HYDIN: variants seen among roughly 807,000 people sequenced by gnomAD.
HYDIN encodes the protein HYDIN axonemal central pair apparatus protein.
HYDIN carries 132 observed loss-of-function variants against 403.9 expected under a neutral mutation model. The observed-to-expected ratio is 0.33, with a 90% CI of 0.28 to 0.38. The LOEUF (loss-of-function observed/expected upper bound fraction) is 0.38. Among genes scored for constraint, HYDIN ranks in the 10% least tolerant of loss-of-function variants. The pLI, the probability that HYDIN is intolerant of heterozygous loss-of-function variation, is 1.00. For synonymous variants in HYDIN, 1,202 were observed against 1,891.7 expected, an observed-to-expected ratio of 0.64 and a Z score of 9.46; for missense variants, 2,827 against 5,009.5, an observed-to-expected ratio of 0.56 and a Z score of 13.15.
chr16:70,897,109 G>A (rs1313939085), intron 53 of HYDIN, among the ~76,000 whole-genome samples: 1 of 151,228 alleles, frequency 6.6e-6, no homozygotes, highest in Non-Finnish European at 1.5e-5. Context: ...ATCTGACAAA[G>A]GACTAATATC....
At position 70,949,313 on chromosome 16, in the gene HYDIN, TGGGGGGA is replaced by T. The variant is rs1302971262; in HGVS notation, c.6531+3101_6531+3107del. ...TCACACTCTGGGGACTGTTGTGGGG[TGGGGGGA>T]GGGGGGAGGGATAGCACTGGGAGAT... On this transcript the variant is annotated intron_variant, in intron 41 of 85. Coordinates refer to ENST00000393567, the MANE Select transcript of HYDIN (RefSeq NM_001270974.2). Among the ~76,000 whole-genome samples the T allele has an allele frequency of 9.9e-5, 6 of 60,686 alleles. No individual in the cohort carries two copies. The Admixed American group carries it at 1.5e-3, about 16-fold the overall frequency. 39.8% of individuals were successfully genotyped at this position (60,686 alleles called of 152,430 possible).
intron 3 of HYDIN, among the ~76,000 whole-genome samples, chr16:71,180,562 G>A (rs2144653527): frequency 6.6e-6 from 1 of 151,744 alleles, no homozygotes; most frequent in African/African-American, 2.4e-5. Flanking sequence ...AGACACTAAG[G>A]GAAAAGAAAA....
At chr16:70,993,879 G>A (rs1452980016) in intron 23 of HYDIN, among the ~76,000 whole-genome samples, 14 of 151,336 alleles carry the variant, frequency 9.3e-5, no homozygotes, top group South Asian at 4.2e-4. Flanking sequence ...ATGAGCATAC[G>A]GTGATATCAC....
intron 23 of HYDIN, among the ~76,000 whole-genome samples, chr16:70,993,974 C>G (rs1279641268): frequency 6.6e-6 from 1 of 151,960 alleles, no homozygotes; most frequent in African/African-American, 2.4e-5. Context: ...TAGTCTATGT[C>G]TATTTCATTT....
At chr16:71,019,597 G>A (rs1293192651) in intron 22 of HYDIN, among the ~76,000 whole-genome samples, 1 of 152,228 alleles carries the variant, frequency 6.6e-6, no homozygotes. Context: ...GTGATTAAAT[G>A]TTTTGAAGAT....
At chr16:70,960,600 G>C (rs1597419409) in intron 38 of HYDIN, among the ~76,000 whole-genome samples, 1 of 151,562 alleles carries the variant, frequency 6.6e-6, no homozygotes, top group Non-Finnish European at 1.5e-5. Context: ...ACAAAACTAG[G>C]ATGACACTCT....
intron 85 of HYDIN, 50 bp downstream of exon 85, chr16:70,809,733 C>G (rs773898404): frequency 7.1e-7 from 1 of 1,412,002 alleles, no homozygotes; most frequent in South Asian, 1.2e-5. Context: ...TGTTTTTGAA[C>G]CCAGCGTTCA....
chr16:71,215,807 G>C (rs1464973900), intron 1 of HYDIN, among the ~76,000 whole-genome samples: 1 of 147,974 alleles, frequency 6.8e-6, no homozygotes, highest in East Asian at 2.0e-4. Context: ...CAATCCAATA[G>C]GGGAAAAAAG....
At chr16:71,210,968 T>TA (rs1555509051) in intron 1 of HYDIN, among the ~76,000 whole-genome samples, 1 of 151,988 alleles carries the variant, frequency 6.6e-6, no homozygotes. Flanking sequence ...GAGATAAATA[T>TA]AAAATAAAAC....
intron 10 of HYDIN, among the ~76,000 whole-genome samples, chr16:71,102,176 C>A (rs1437620800): frequency 6.6e-6 from 1 of 151,704 alleles, no homozygotes; most frequent in Non-Finnish European, 1.5e-5. Context: ...ACTGACTACA[C>A]AAAATTTTAA....
intron 75 of HYDIN, among the ~76,000 whole-genome samples, chr16:70,847,217 C>T (rs1019043973): frequency 5.9e-5 from 9 of 152,076 alleles, no homozygotes; most frequent in African/African-American, 1.4e-4. Flanking sequence ...GTTACTTCCT[C>T]TTTCTTTGTG....
chr16:71,180,483 A>AG (rs1285684569), intron 3 of HYDIN, among the ~76,000 whole-genome samples: 1 of 152,088 alleles, frequency 6.6e-6, no homozygotes, highest in Admixed American at 6.5e-5. Context: ...AGAAAAGAAA[A>AG]ACAAAAAAAT....
Position 71,214,555 on chromosome 16 carries a change from C to G in HYDIN, c.-24+16007G>C, listed in dbSNP as rs569245998. Among the ~76,000 whole-genome samples the G allele has an allele frequency of 2.6e-5, 4 of 152,326 alleles. 1 individual carries two copies. The South Asian group carries it at 8.3e-4, about 32-fold the overall frequency. ...GTGTAAGTTGGAAGCACCCTCTCAG[C>G]TGCACTGCATTATTTCACTTTTTCT... On this transcript the variant is annotated intron_variant, in intron 1 of 85. Transcript: ENST00000393567.
intron 1 of HYDIN, among the ~76,000 whole-genome samples, chr16:71,224,765 T>G (rs1035990597): frequency 3.3e-5 from 5 of 151,476 alleles, no homozygotes; most frequent in Admixed American, 2.6e-4. Context: ...GTTTCACCGT[T>G]TTAGCCGGGA....
intron 1 of HYDIN, among the ~76,000 whole-genome samples, chr16:71,212,121 T>C (rs925097034): frequency 2.0e-5 from 3 of 152,156 alleles, no homozygotes; most frequent in Non-Finnish European, 4.4e-5. Context: ...CCTTGAAAAA[T>C]TGTTAAAAAC....
intron 83 of HYDIN, among the ~76,000 whole-genome samples, chr16:70,820,730 C>T (rs2036203243): frequency 6.6e-6 from 1 of 151,050 alleles, no homozygotes; most frequent in Non-Finnish European, 1.5e-5. Flanking sequence ...CTCACTGCAA[C>T]CTCCACCTCC....
chr16:71,158,726 G>C (rs2085885554), intron 6 of HYDIN, among the ~76,000 whole-genome samples: 1 of 145,582 alleles, frequency 6.9e-6, no homozygotes, highest in African/African-American at 2.6e-5. Context: ...CTGTCACCCA[G>C]GCTGGAGTGC....
At chr16:71,044,597 GA>G in intron 18 of HYDIN, among the ~76,000 whole-genome samples, 1 of 141,100 alleles carries the variant, frequency 7.1e-6, no homozygotes, top group Non-Finnish European at 1.5e-5. Flanking sequence ...ACCTATCTTT[GA>G]CTTCCACAAG....
rs1291932724 is a variant in HYDIN, at chr16:71,040,493, C to G, written c.2530-8576G>C. ...ACATACCCCCCCTCCCCGCACCCCC[C>G]TCCCCCCCACACACACAACTTTACA... On this transcript the variant is annotated intron_variant, in intron 18 of 85. Coordinates refer to ENST00000393567, the MANE Select transcript of HYDIN (RefSeq NM_001270974.2). Among the ~76,000 whole-genome samples the G allele has an allele frequency of 2.7e-5, 4 of 146,590 alleles. No individual in the cohort carries two copies. In the East Asian group the frequency reaches 6.2e-4, roughly 23 times the overall value.
Sources: allele counts gnomAD v4.1 joint callset (sites outside exome capture counted in the v4.1 genomes callset), GRCh38; gene constraint gnomAD v4.1.1; transcripts MANE v1.5; gene names NCBI Gene and HGNC (gene_info 2026-07-23, HGNC 2026-07-21).